PARD3: variants seen among roughly 807,000 people sequenced by gnomAD.
PARD3 encodes par-3 family cell polarity regulator.
PARD3 carries 75 observed loss-of-function variants against 155.4 expected under a neutral mutation model. The observed-to-expected ratio is 0.48, with a 90% CI of 0.40 to 0.58. PARD3 has a LOEUF of 0.58. Ranked by LOEUF, PARD3 falls within the 20% of genes least tolerant of loss-of-function variation. PARD3 has a pLI of 0.00. For synonymous variants in PARD3, 576 were observed against 610.5 expected (o/e 0.94, Z 0.83); for missense variants, 1,642 against 1,721.7 (o/e 0.95, Z 0.82).
At chr10:34,125,043 G>A (rs1290650988) in intron 23 of PARD3, among the ~76,000 whole-genome samples, 1 of 151,448 alleles carries the variant, frequency 6.6e-6, no homozygotes, top group Non-Finnish European at 1.5e-5. Context: ...CCTCTCTGCA[G>A]ATGGCTTATC....
intron 7 of PARD3, among the ~76,000 whole-genome samples, chr10:34,394,617 T>C (rs546991420): frequency 1.3e-4 from 20 of 152,352 alleles, no homozygotes; most frequent in African/African-American, 4.3e-4. Flanking sequence ...TGAGCCATCA[T>C]GTCCAGCCTC....
intron 1 of PARD3, among the ~76,000 whole-genome samples, chr10:34,738,245 A>G (rs2094950364): frequency 6.6e-6 from 1 of 152,200 alleles, no homozygotes; most frequent in Admixed American, 6.5e-5. Context: ...CACTTCTAAT[A>G]AGATAGCTGG....
chr10:34,369,980 A>G (rs1423901238), intron 12 of PARD3, among the ~76,000 whole-genome samples: 3 of 152,176 alleles, frequency 2.0e-5, no homozygotes, highest in Non-Finnish European at 4.4e-5. Flanking sequence ...AGCCTAAAAC[A>G]GATCCTTGGC....
At chr10:34,695,893 C>T (rs551874767) in intron 2 of PARD3, among the ~76,000 whole-genome samples, 1 of 152,282 alleles carries the variant, frequency 6.6e-6, no homozygotes, top group South Asian at 2.1e-4. Flanking sequence ...GGTGCACCGC[C>T]AAGGCCACGG....
intron 1 of PARD3, among the ~76,000 whole-genome samples, chr10:34,813,999 A>T (rs1342412835): frequency 6.6e-6 from 1 of 152,244 alleles, no homozygotes; most frequent in African/African-American, 2.4e-5. Context: ...TGTGAAGTGG[A>T]GACAATGTTA....
chr10:34,681,762 ATATATATTTTTTTTTTTTTTTTTTT>A (rs1194145175), intron 2 of PARD3, among the ~76,000 whole-genome samples: 11 of 22,394 alleles, frequency 4.9e-4, no homozygotes, highest in African/African-American at 2.8e-3. Flanking sequence ...ATATATATAT[ATATATATTTTTTTTTTTTTTTTTTT>A]TTTTTTTTTT....
Position 34,110,128 on chromosome 10 carries a change from C to G in PARD3, c.*1041G>C, listed in dbSNP as rs1454549883. The G allele has an allele frequency of 6.6e-6, 1 of 152,156 alleles. No individual in the cohort carries two copies. The highest frequency in any genetic ancestry group is 1.5e-5 in the Non-Finnish European group (1 of 68,036). 9.4% of individuals were successfully genotyped at this position (152,156 alleles called of 1,614,324 possible). On this transcript the variant is annotated 3_prime_UTR_variant, in exon 25 of 25. Coordinates refer to ENST00000374788, the MANE Select transcript of PARD3 (RefSeq NM_001184785.2). ...TTGTCTTTTATGTTTCATGGCAGAA[C>G]TACTTAGGAGCGCGGCATCGCCAGT...
At chr10:34,711,737 C>T (rs190524243) in intron 1 of PARD3, among the ~76,000 whole-genome samples, 1 of 152,228 alleles carries the variant, frequency 6.6e-6, no homozygotes, top group Non-Finnish European at 1.5e-5. Flanking sequence ...AGAACTTACA[C>T]AAGAGTTTCT....
At chr10:34,311,158 C>T (rs75186373) in intron 20 of PARD3, among the ~76,000 whole-genome samples, 4,773 of 152,266 alleles carry the variant, frequency 0.031, 225 homozygotes, top group African/African-American at 0.11. Context: ...GGTAGAACTG[C>T]AAACTGCTTT....
intron 22 of PARD3, among the ~76,000 whole-genome samples, chr10:34,195,512 A>G (rs923733587): frequency 6.6e-6 from 1 of 152,246 alleles, no homozygotes; most frequent in African/African-American, 2.4e-5. Context: ...TCCTTTAAAC[A>G]GACATAATCA....
intron 5 of PARD3, among the ~76,000 whole-genome samples, chr10:34,417,597 ATTGT>A (rs370625728): frequency 2.5e-4 from 38 of 152,294 alleles, no homozygotes; most frequent in South Asian, 6.2e-4. Flanking sequence ...AATAATTTCG[ATTGT>A]TTGGGTTTAT....
intron 23 of PARD3, among the ~76,000 whole-genome samples, chr10:34,131,056 T>C (rs995902893): frequency 6.6e-6 from 1 of 152,062 alleles, no homozygotes; most frequent in African/African-American, 2.4e-5. Context: ...CGAGACCTCA[T>C]CTCTTTAAAA....
In PARD3 at chr10:34,575,021, C is replaced by T. The variant is rs1178289404; in HGVS notation, c.223-57862G>A. Reference sequence around the variant, plus strand: ...TGCTCCCCCCTTAAAGAGACAGGGTCCTACTCCGTCACCCAGGCTGGACTG... The same window carrying T: ...TGCTCCCCCCTTAAAGAGACAGGGTTCTACTCCGTCACCCAGGCTGGACTG... On this transcript the variant is annotated intron_variant, in intron 2 of 24. Coordinates refer to ENST00000374788, the MANE Select transcript of PARD3 (RefSeq NM_001184785.2). Among the ~76,000 whole-genome samples the T allele has an allele frequency of 2.6e-5, 4 of 152,248 alleles. No homozygotes were observed. In the East Asian group the frequency reaches 7.7e-4, roughly 29 times the overall value.
intron 22 of PARD3, among the ~76,000 whole-genome samples, chr10:34,136,891 A>G (rs1196392466): frequency 6.6e-6 from 1 of 152,114 alleles, no homozygotes; most frequent in Non-Finnish European, 1.5e-5. Flanking sequence ...CGGCATGTGT[A>G]TGGGCTTTTC....
At chr10:34,755,745 T>A (rs1836626703) in intron 1 of PARD3, among the ~76,000 whole-genome samples, 1 of 148,952 alleles carries the variant, frequency 6.7e-6, no homozygotes, top group Non-Finnish European at 1.5e-5. Flanking sequence ...AAGAAAACAT[T>A]CCATCCTAAG....
In PARD3 at chr10:34,781,656, C is replaced by T. The variant is rs148246912; in HGVS notation, c.120+33220G>A. ...TATTTGTTCTTAAATTCAGGTGGGGCCTCTGGGAGGAAAAGTTGAGTGCAG... is the reference window on the plus strand; with the variant it reads ...TATTTGTTCTTAAATTCAGGTGGGGTCTCTGGGAGGAAAAGTTGAGTGCAG... On this transcript the variant is annotated intron_variant, in intron 1 of 24. Transcript: ENST00000374788. Among the ~76,000 whole-genome samples the T allele has an allele frequency of 6.7e-3, 1,022 of 152,254 alleles. 9 individuals carry two copies. The highest frequency in any genetic ancestry group is 0.027 in the Middle Eastern group (8 of 294).
chr10:34,486,417 G>A (rs922719640), intron 3 of PARD3, among the ~76,000 whole-genome samples: 18 of 152,144 alleles, frequency 1.2e-4, no homozygotes, highest in African/African-American at 4.3e-4. Flanking sequence ...TTTGTTTCAG[G>A]GCAATGGTGG....
chr10:34,130,438 G>A (rs754175193), intron 23 of PARD3, among the ~76,000 whole-genome samples: 37 of 152,094 alleles, frequency 2.4e-4, no homozygotes, highest in Non-Finnish European at 4.4e-4. Context: ...AAGCATTGCC[G>A]GTTAGGTCAA....
chr10:34,814,972 T>A lies in PARD3; in HGVS notation c.24A>T (p.Gly8=). 6.5e-7 allele frequency: 1 copy of A among 1,543,364 alleles called. No individual in the cohort carries two copies. The highest frequency in any genetic ancestry group is 8.7e-7 in the Non-Finnish European group (1 of 1,146,550). Residue 8 remains glycine, a synonymous_variant, in exon 1 of 25, where the codon GGA becomes GGT. Coordinates refer to ENST00000374788, the MANE Select transcript of PARD3 (RefSeq NM_001184785.2). ...CGCACGGCACGACCACCCGGGTCCG[T>A]CCGAAGCACACGGTCACTTTCATGC... is the stretch of plus-strand genomic sequence containing the variant. MKVTVCF[G]RTRVVVPCGD... is the part of the protein sequence containing the mutation.
Sources: gnomAD v4.1 joint callset for allele counts (sites outside exome capture counted in the v4.1 genomes callset) on GRCh38, gnomAD v4.1.1 for gene constraint, MANE v1.5 for transcripts, NCBI Gene and HGNC (gene_info 2026-07-23, HGNC 2026-07-21) for gene names.